Variants in LRP1B observed in about 807,000 individuals in gnomAD.
LRP1B encodes the protein low-density lipoprotein receptor-related protein 1B.
In LRP1B, 217 loss-of-function variants were observed where a neutral mutation model predicts 556.6. The ratio of observed to expected loss-of-function variants is 0.39; its 90% CI spans 0.35 to 0.44. LRP1B has a LOEUF of 0.44. LRP1B is among the 20% of genes least tolerant of loss of function. The pLI, the probability that LRP1B is intolerant of heterozygous loss-of-function variation, is 1.00. For missense variants in LRP1B, 5,053 were observed against 5,620.8 expected (o/e 0.90, Z 3.23); for synonymous variants, 2,047 against 1,865.8 (o/e 1.10, Z -2.50).
intron 3 of LRP1B, among the ~76,000 whole-genome samples, chr2:141,335,724 G>A (rs1687824482): frequency 6.6e-6 from 1 of 152,154 alleles, no homozygotes; most frequent in Non-Finnish European, 1.5e-5. Context: ...TTCAGAGAAA[G>A]AGGAAGGCAA....
At chr2:141,066,715 T>C (rs757855994) in intron 7 of LRP1B, among the ~76,000 whole-genome samples, 2 of 151,976 alleles carry the variant, frequency 1.3e-5, no homozygotes, top group African/African-American at 2.4e-5. Flanking sequence ...TGACGGAATT[T>C]AGAAATTTTC....
chr2:140,696,200 T>G (rs982758014), intron 41 of LRP1B, among the ~76,000 whole-genome samples: 3 of 152,188 alleles, frequency 2.0e-5, no homozygotes, highest in African/African-American at 7.2e-5. Context: ...TTACTTATAT[T>G]TATTTATATG....
intron 27 of LRP1B, among the ~76,000 whole-genome samples, chr2:140,853,690 A>AAATC (rs1692527865): frequency 6.6e-6 from 1 of 151,592 alleles, no homozygotes; most frequent in South Asian, 2.1e-4. Flanking sequence ...TAAAAACAAT[A>AAATC]AATAAATAAA....
chr2:140,865,484 C>T (rs868675627), intron 27 of LRP1B, among the ~76,000 whole-genome samples: 36 of 151,888 alleles, frequency 2.4e-4, no homozygotes, highest in African/African-American at 7.7e-4. Flanking sequence ...ATTCTATCCT[C>T]GGTAATAAAA....
At chr2:141,563,004 T>C (rs1295454039) in intron 2 of LRP1B, among the ~76,000 whole-genome samples, 1 of 151,926 alleles carries the variant, frequency 6.6e-6, no homozygotes, top group Non-Finnish European at 1.5e-5. Context: ...AAATGGAAAT[T>C]GGGCTTGGAA....
intron 1 of LRP1B, among the ~76,000 whole-genome samples, chr2:142,100,113 G>A (rs1351129419): frequency 6.6e-6 from 1 of 151,838 alleles, no homozygotes; most frequent in Non-Finnish European, 1.5e-5. Context: ...CTTGATAAGA[G>A]CATTGTATTT....
At chr2:141,021,847 C>A (rs534717867) in intron 11 of LRP1B, among the ~76,000 whole-genome samples, 2 of 151,900 alleles carry the variant, frequency 1.3e-5, no homozygotes, top group Non-Finnish European at 2.9e-5. Flanking sequence ...AGGATGATTA[C>A]AAAGGGCAAG....
intron 1 of LRP1B, among the ~76,000 whole-genome samples, chr2:142,005,167 A>G (rs929143453): frequency 6.7e-6 from 1 of 150,244 alleles, no homozygotes; most frequent in Admixed American, 6.7e-5. Flanking sequence ...TACATACTAT[A>G]TATTTATATA....
At chr2:141,304,202 C>A (rs1686498172) in intron 3 of LRP1B, among the ~76,000 whole-genome samples, 1 of 152,018 alleles carries the variant, frequency 6.6e-6, no homozygotes, top group Non-Finnish European at 1.5e-5. Flanking sequence ...TATTTTCTCC[C>A]ATTGAACAGA....
At chr2:140,326,711 A>G (rs893404004) in intron 79 of LRP1B, among the ~76,000 whole-genome samples, 3 of 151,376 alleles carry the variant, frequency 2.0e-5, no homozygotes, top group Admixed American at 2.0e-4. Context: ...AAAAAAAAAA[A>G]TGTTTATGGT....
chr2:140,766,037 TAA>T (rs1157446130), intron 35 of LRP1B, among the ~76,000 whole-genome samples: 1 of 151,944 alleles, frequency 6.6e-6, no homozygotes, highest in Non-Finnish European at 1.5e-5. Context: ...AAAAAAAGAA[TAA>T]GAGGCAACTG....
In LRP1B at chr2:140,442,646, A is replaced by T. The variant is rs111364382; in HGVS notation, c.10295-23T>A. On this transcript the variant is annotated intron_variant, in intron 65 of 90. Coordinates refer to ENST00000389484, the MANE Select transcript of LRP1B (RefSeq NM_018557.3). ...CAGCTTAGAAAGAAAACTGCCATTA[A>T]AATGTAGCTTTGGAGAACATATTTA... is the stretch of plus-strand genomic sequence containing the variant. The T allele has an allele frequency of 8.1e-6, 13 of 1,611,342 alleles. 1 individual carries two copies. The African/African-American group carries it at 1.6e-4, about 20-fold the overall frequency.
At chr2:140,360,889 T>C (rs1350995191) in intron 72 of LRP1B, among the ~76,000 whole-genome samples, 1 of 151,550 alleles carries the variant, frequency 6.6e-6, no homozygotes, top group Non-Finnish European at 1.5e-5. Context: ...ATTTGCTGTT[T>C]CCTATAATTT....
intron 7 of LRP1B, among the ~76,000 whole-genome samples, chr2:141,081,917 A>G (rs1459950387): frequency 6.6e-6 from 1 of 152,198 alleles, no homozygotes; most frequent in Non-Finnish European, 1.5e-5. Context: ...GCTCTTTGAG[A>G]AAATACAAAC....
At chr2:141,906,221 C>T (rs1699756800) in intron 1 of LRP1B, among the ~76,000 whole-genome samples, 1 of 151,498 alleles carries the variant, frequency 6.6e-6, no homozygotes, top group Non-Finnish European at 1.5e-5. Context: ...AAAAAGTTCT[C>T]AAACACTGTA....
chr2:140,886,690 A>T (rs1395217783), intron 23 of LRP1B, among the ~76,000 whole-genome samples: 3 of 152,012 alleles, frequency 2.0e-5, no homozygotes, highest in Non-Finnish European at 4.4e-5. Flanking sequence ...AATTGCTAAG[A>T]TTTGGCTAAA....
intron 7 of LRP1B, among the ~76,000 whole-genome samples, chr2:141,117,164 G>T: frequency 6.6e-6 from 1 of 150,414 alleles, no homozygotes; most frequent in South Asian, 2.1e-4. Flanking sequence ...TAACTGAAGT[G>T]ATTTCTTCTA....
chr2:141,838,139 T>C (rs1224348554), intron 1 of LRP1B, among the ~76,000 whole-genome samples: 1 of 152,090 alleles, frequency 6.6e-6, no homozygotes, highest in Non-Finnish European at 1.5e-5. Flanking sequence ...GATCTTAAGC[T>C]AGAAGTGGGG....
intron 1 of LRP1B, among the ~76,000 whole-genome samples, chr2:141,961,202 G>T (rs1012588285): frequency 1.3e-5 from 2 of 151,366 alleles, no homozygotes; most frequent in African/African-American, 4.8e-5. Flanking sequence ...TCATTTTTCA[G>T]AGTCATTGCA....
Sources: allele counts gnomAD v4.1 joint callset (sites outside exome capture counted in the v4.1 genomes callset), GRCh38; gene constraint gnomAD v4.1.1; transcripts MANE v1.5; gene names NCBI Gene and HGNC (gene_info 2026-07-23, HGNC 2026-07-21).